Variants in SIGLEC15 observed in about 807,000 individuals in gnomAD.
The protein encoded by SIGLEC15 is sialic acid binding Ig like lectin 15, also known as sialic acid-binding Ig-like lectin 15.
SIGLEC15 carries 31 observed loss-of-function variants against 26.2 expected under a neutral mutation model. The ratio of observed to expected loss-of-function variants is 1.18; its 90% CI spans 0.89 to 1.60. SIGLEC15 has a LOEUF of 1.60. Among genes scored for constraint, SIGLEC15 ranks in the 40% most tolerant of loss-of-function variants. The pLI, the probability that SIGLEC15 is intolerant of heterozygous loss-of-function variation, is 0.00. For synonymous variants in SIGLEC15, 207 were observed against 221.9 expected (o/e 0.93, Z 0.60); for missense variants, 501 against 488.4 (o/e 1.03, Z -0.24).
At chr18:45,839,855 C>T (rs2048310130) in intron 4 of SIGLEC15, among the ~76,000 whole-genome samples, 2 of 152,166 alleles carry the variant, frequency 1.3e-5, no homozygotes, top group Admixed American at 6.5e-5. Context: ...TCAGAACCCC[C>T]AGGTCCATAG....
chr18:45,836,263 C>G (rs1279378604), intron 1 of SIGLEC15, among the ~76,000 whole-genome samples: 1 of 152,160 alleles, frequency 6.6e-6, no homozygotes, highest in African/African-American at 2.4e-5. Flanking sequence ...TTAATAATAT[C>G]TGCCCTGCCT....
At chr18:45,836,087 T>C (rs951076376) in intron 1 of SIGLEC15, among the ~76,000 whole-genome samples, 1 of 152,186 alleles carries the variant, frequency 6.6e-6, no homozygotes, top group African/African-American at 2.4e-5. Flanking sequence ...ATGGTCCCCA[T>C]GGAGGATGGT....
At position 45,843,998 on chromosome 18, in the gene SIGLEC15, T is replaced by G. The variant is rs1314456595; in HGVS notation, c.*1811T>G. ...CTCCCATGTTTACTGCAGCACTATT[T>G]GCAATAGCCAAGATATGGAATCAGC... On this transcript the variant is annotated 3_prime_UTR_variant, in exon 6 of 6. Transcript: ENST00000389474. The G allele has an allele frequency of 6.6e-6, 1 of 152,192 alleles. No homozygotes were observed. Among genetic ancestry groups the G allele is most frequent in the African/African-American group, 2.4e-5 (1 of 41,426 alleles). 9.4% of individuals were successfully genotyped at this position (152,192 alleles called of 1,614,324 possible).
At chr18:45,841,608 G>T (rs1406533220) in intron 5 of SIGLEC15, among the ~76,000 whole-genome samples, 3 of 152,180 alleles carry the variant, frequency 2.0e-5, no homozygotes, top group African/African-American at 7.2e-5. Context: ...GGCAGGGCTT[G>T]CCCAAGAGCC....
At chr18:45,829,054 T>C (rs557285805) in intron 1 of SIGLEC15, 4 of 980,932 alleles carry the variant, frequency 4.1e-6, no homozygotes, top group East Asian at 1.1e-4. Context: ...GGGATCACTA[T>C]GGAGGCTGGG....
intron 1 of SIGLEC15, among the ~76,000 whole-genome samples, chr18:45,836,467 C>T (rs951066715): frequency 1.3e-5 from 2 of 152,104 alleles, no homozygotes; most frequent in Non-Finnish European, 2.9e-5. Flanking sequence ...CACCCCTGGC[C>T]TTATCCTCTG....
At position 45,837,575 on chromosome 18, in the gene SIGLEC15, G is replaced by C; in HGVS notation, c.175G>C (p.Ala59Pro). 6.6e-7 allele frequency: 1 copy of C among 1,515,654 alleles called. No homozygotes were observed. Among genetic ancestry groups the C allele is most frequent in the Non-Finnish European group, 8.8e-7 (1 of 1,139,340 alleles). The allele number at this position is 1,515,654 out of a possible 1,614,324, so 93.9% of individuals were successfully genotyped here. ...PPEVSAEAGD[A>P]AVLPCTFTHP... Reference sequence around the variant, plus strand: ...CGAGGTGAGCGCGGAGGCAGGCGACGCGGCAGTGCTGCCCTGCACCTTCAC... The same window carrying C: ...CGAGGTGAGCGCGGAGGCAGGCGACCCGGCAGTGCTGCCCTGCACCTTCAC... Residue 59 changes from alanine to proline, a missense_variant, in exon 3 of 6, where the codon GCG (alanine) becomes CCG (proline). By Grantham distance (27) the Ala-to-Pro change is conservative. Transcript: ENST00000389474.
intron 1 of SIGLEC15, among the ~76,000 whole-genome samples, chr18:45,826,531 G>A (rs1021598935): frequency 3.3e-5 from 5 of 152,098 alleles, no homozygotes; most frequent in African/African-American, 4.8e-5. Flanking sequence ...TCTGACACTC[G>A]ATGCATTTGA....
intron 1 of SIGLEC15, among the ~76,000 whole-genome samples, chr18:45,835,048 C>T (rs994091364): frequency 2.0e-5 from 3 of 151,532 alleles, no homozygotes; most frequent in African/African-American, 4.9e-5. Flanking sequence ...GTCCTCCACT[C>T]GGGTTCAAAA....
intron 1 of SIGLEC15, among the ~76,000 whole-genome samples, chr18:45,828,587 G>C (rs2048205708): frequency 6.6e-6 from 1 of 152,186 alleles, no homozygotes; most frequent in Admixed American, 6.5e-5. Context: ...CTTGTGCCAG[G>C]CCTGTGACAA....
intron 1 of SIGLEC15, among the ~76,000 whole-genome samples, chr18:45,835,036 A>G (rs1422152359): frequency 1.3e-5 from 2 of 152,212 alleles, no homozygotes; most frequent in Admixed American, 1.3e-4. Flanking sequence ...ATAAAATGTT[A>G]GGTCCTCCAC....
chr18:45,835,692 A>C (rs574668812), intron 1 of SIGLEC15, among the ~76,000 whole-genome samples: 1 of 152,190 alleles, frequency 6.6e-6, no homozygotes, highest in Admixed American at 6.5e-5. Context: ...ACCATCCAGT[A>C]ACACTTTTAC....
At chr18:45,827,239 A>C (rs2048192356) in intron 1 of SIGLEC15, among the ~76,000 whole-genome samples, 1 of 152,166 alleles carries the variant, frequency 6.6e-6, no homozygotes, top group South Asian at 2.1e-4. Context: ...TTCCCTATGA[A>C]ACATTCTCTT....
intron 1 of SIGLEC15, among the ~76,000 whole-genome samples, chr18:45,831,491 A>G (rs1010996833): frequency 2.0e-5 from 3 of 152,234 alleles, no homozygotes; most frequent in Admixed American, 2.0e-4. Context: ...TAAAAAACAA[A>G]TAGTGGCTGA....
At position 45,842,119 on chromosome 18, in the gene SIGLEC15, G is replaced by A. The variant is rs772365668; in HGVS notation, c.919G>A (p.Glu307Lys). 9 of 1,614,190 alleles carry A rather than the reference G, an allele frequency of 5.6e-6. No individual in the cohort carries two copies. Among genetic ancestry groups the A allele is most frequent in the Admixed American group, 1.7e-5 (1 of 60,030 alleles). The change falls in exon 6 of 6, where the codon GAG becomes AAG. Residue 307 changes from glutamate (E) to lysine (K), a missense_variant. Glu to Lys is a moderately conservative substitution (Grantham distance 56). Transcript: ENST00000389474. ...PDTPPRSQAQESNYENLSQMN... is the reference protein window; with the variant it reads ...PDTPPRSQAQKSNYENLSQMN... ...TCCTGTCCACAGGTCCCAGGCCCAG[G>A]AGTCCAATTATGAAAATTTGAGCCA...
At chr18:45,839,121 C>A (rs1199996665) in intron 4 of SIGLEC15, 26 bp downstream of exon 4, 12 of 1,361,726 alleles carry the variant, frequency 8.8e-6, no homozygotes, top group Non-Finnish European at 1.1e-5. Flanking sequence ...ACACGGGTGG[C>A]CGCGAGGGGC....
chr18:45,827,924 T>C (rs1436801822), intron 1 of SIGLEC15, among the ~76,000 whole-genome samples: 2 of 152,242 alleles, frequency 1.3e-5, no homozygotes, highest in East Asian at 1.9e-4. Flanking sequence ...ACCTTCTCTG[T>C]TGAGATTACT....
chr18:45,827,423 A>C lies in SIGLEC15; in HGVS notation c.52+1643A>C, dbSNP rs1159699083. On this transcript the variant is annotated intron_variant, in intron 1 of 5. Coordinates refer to ENST00000389474, the MANE Select transcript of SIGLEC15 (RefSeq NM_213602.3). Reference sequence around the variant, plus strand: ...GAAGGAGCTATCTTTTCCCAAGTTGACCTAACTTAGCCATCTTTCTGGGAT... The same window carrying C: ...GAAGGAGCTATCTTTTCCCAAGTTGCCCTAACTTAGCCATCTTTCTGGGAT... Among the ~76,000 whole-genome samples the C allele has an allele frequency of 2.0e-5, 3 of 152,152 alleles. No individual in the cohort carries two copies. The East Asian group carries it at 5.8e-4, about 29-fold the overall frequency.
In SIGLEC15 at chr18:45,838,979, T is replaced by G. The variant is rs764570411; in HGVS notation, c.758T>G (p.Phe253Cys). The stretch of plus-strand genomic sequence containing the variant: ...CGCTCCGAGGCCAGCGTCTACCTGT[T>G]CCGCTTCCATGGCGCCAGCGGGGCC... Reference protein sequence around the residue: ...LGRSEASVYLFRFHGASGAST... With the variant: ...LGRSEASVYLCRFHGASGAST... The change falls in exon 4 of 6, where the codon TTC becomes TGC. Residue 253 changes from phenylalanine to cysteine, a missense_variant. By Grantham distance (205) the Phe-to-Cys change is radical. Transcript: ENST00000389474. 1 of 1,601,134 alleles carries G rather than the reference T, an allele frequency of 6.2e-7. No homozygotes were observed. Among genetic ancestry groups the G allele is most frequent in the South Asian group, 1.1e-5 (1 of 90,358 alleles).
Sources: gnomAD v4.1 joint callset for allele counts (sites outside exome capture counted in the v4.1 genomes callset) on GRCh38, gnomAD v4.1.1 for gene constraint, MANE v1.5 for transcripts, NCBI Gene and HGNC (gene_info 2026-07-23, HGNC 2026-07-21) for gene names.